Variants in COL24A1 observed in about 807,000 individuals in gnomAD.
COL24A1 encodes collagen type XXIV alpha 1 chain.
Under a neutral mutation model 253.9 loss-of-function variants are expected in COL24A1, and 224 were observed. The observed-to-expected ratio is 0.88, with a 90% CI of 0.79 to 0.99. The LOEUF (loss-of-function observed/expected upper bound fraction) is 0.99. Among genes scored for constraint, COL24A1 ranks in the 50% least tolerant of loss-of-function variants. The pLI is 0.00. For missense variants in COL24A1, 2,131 were observed against 2,068.5 expected (o/e 1.03, Z -0.59); for synonymous variants, 685 against 673.7 (o/e 1.02, Z -0.26).
At chr1:85,829,836 C>T (rs1216536565) in intron 43 of COL24A1, among the ~76,000 whole-genome samples, 1 of 151,888 alleles carries the variant, frequency 6.6e-6, no homozygotes, top group Admixed American at 6.6e-5. Flanking sequence ...AAATTTTTTT[C>T]AAAGTTTTCA....
chr1:86,059,117 G>C lies in COL24A1; in HGVS notation c.1806+4C>G, dbSNP rs762765392. ...AGAGAAAAGTCTAAATATAGTTACT[G>C]CACCTGCCTGCCAGGGTAACCGGGT... On this transcript the variant is annotated splice_donor_region_variant and intron_variant, in intron 9 of 59. Coordinates refer to ENST00000370571, the MANE Select transcript of COL24A1 (RefSeq NM_152890.7). 5 of 1,604,132 alleles carry C rather than the reference G, an allele frequency of 3.1e-6. No homozygotes were observed. The African/African-American group carries it at 4.0e-5, about 13-fold the overall frequency.
intron 7 of COL24A1, among the ~76,000 whole-genome samples, chr1:86,069,105 G>A (rs944887991): frequency 1.2e-4 from 18 of 152,238 alleles, no homozygotes; most frequent in African/African-American, 3.1e-4. Flanking sequence ...AAAAAGAGAC[G>A]GGATTTTGTC....
rs1310390546 is a variant in COL24A1 at position 86,125,493 on chromosome 1, C to A, written c.843G>T (p.Glu281Asp). ...PKLFAEKVLSEDTFTEGKSIP... is the reference protein window; with the variant it reads ...PKLFAEKVLSDDTFTEGKSIP... The stretch of plus-strand genomic sequence containing the variant: ...TGCTTTTGCCTTCAGTAAATGTATC[C>A]TCTGACAGTACTTTTTCAGCAAATA... Residue 281 changes from glutamate (E) to aspartate (D), a missense_variant, in exon 3 of 60, where the codon GAG becomes GAT. Glu to Asp is a conservative substitution (Grantham distance 45, BLOSUM62 2). Transcript: ENST00000370571. The A allele has an allele frequency of 6.2e-7, 1 of 1,613,498 alleles. No homozygotes were observed. The highest frequency in any genetic ancestry group is 8.5e-7 in the Non-Finnish European group (1 of 1,179,754).
chr1:86,077,498 A>C (rs116434207), intron 7 of COL24A1, among the ~76,000 whole-genome samples: 22,636 of 152,204 alleles, frequency 0.15, 1,809 homozygotes, highest in Middle Eastern at 0.21. Flanking sequence ...GTATATATCC[A>C]AAAGATTATA....
intron 20 of COL24A1, among the ~76,000 whole-genome samples, chr1:85,982,208 T>C (rs1161883169): frequency 6.6e-6 from 1 of 152,078 alleles, no homozygotes; most frequent in Non-Finnish European, 1.5e-5. Context: ...AGGCGGTATG[T>C]AAAGTAGCTA....
intron 59 of COL24A1, 66 bp from the exon 60 acceptor site, chr1:85,730,758 C>G: frequency 6.6e-7 from 1 of 1,513,548 alleles, no homozygotes; most frequent in Non-Finnish European, 9.1e-7. Context: ...TAGACAATGC[C>G]TTTCACAGAT....
rs372487923 is a variant in COL24A1, at chr1:85,784,092, G to C, written c.4221+21C>G. Reference sequence around the variant, plus strand: ...TTATTTCTAGATAGCTAGAAGACTAGAAGAAAGTATGTAAACATACTTTAG... The same window carrying C: ...TTATTTCTAGATAGCTAGAAGACTACAAGAAAGTATGTAAACATACTTTAG... On this transcript the variant is annotated intron_variant, in intron 50 of 59. Transcript: ENST00000370571. The C allele has an allele frequency of 1.9e-6, 3 of 1,587,810 alleles. No individual in the cohort carries two copies. In the African/African-American group the frequency reaches 4.1e-5, roughly 21 times the overall value.
chr1:85,941,261 G>C (rs1688731005), intron 24 of COL24A1, among the ~76,000 whole-genome samples: 1 of 152,092 alleles, frequency 6.6e-6, no homozygotes, highest in African/African-American at 2.4e-5. Context: ...TGTGTTTTCT[G>C]AGGATTATAT....
At position 85,773,407 on chromosome 1, in the gene COL24A1, T is replaced by A. The variant is rs543478700; in HGVS notation, c.4374+2267A>T. ...AGTAGTTTTTTCCAATTCTGTGAAG[T>A]AAGTCATTGGTAGCTTGATGGGGAT... On this transcript the variant is annotated intron_variant, in intron 53 of 59. Transcript: ENST00000370571. 1.2e-3 allele frequency among the ~76,000 whole-genome samples: 176 copies of A among 152,238 alleles called. 3 individuals carry two copies. The South Asian group carries it at 0.016, about 14-fold the overall frequency.
chr1:86,012,841 C>A (rs1238329549), intron 19 of COL24A1, among the ~76,000 whole-genome samples: 1 of 152,124 alleles, frequency 6.6e-6, no homozygotes, highest in African/African-American at 2.4e-5. Flanking sequence ...CATTGTATAC[C>A]ACTTTCCTCT....
intron 1 of COL24A1, among the ~76,000 whole-genome samples, chr1:86,152,159 C>A (rs930120581): frequency 6.6e-6 from 1 of 152,166 alleles, no homozygotes; most frequent in Non-Finnish European, 1.5e-5. Flanking sequence ...AGTACTGTCA[C>A]TAACTTACTT....
intron 3 of COL24A1, among the ~76,000 whole-genome samples, chr1:86,116,145 T>C (rs1706114252): frequency 6.7e-6 from 1 of 149,114 alleles, no homozygotes; most frequent in South Asian, 2.2e-4. Flanking sequence ...GAACACATAT[T>C]CATTCATTCA....
rs559617551 is a variant in COL24A1, at chr1:85,730,928, C to G, written c.4999-236G>C. Among the ~76,000 whole-genome samples, 3 of 152,310 alleles carry G rather than the reference C, an allele frequency of 2.0e-5. No individual in the cohort carries two copies. The East Asian group carries it at 5.8e-4, about 29-fold the overall frequency. On this transcript the variant is annotated intron_variant, in intron 59 of 59. Coordinates refer to ENST00000370571, the MANE Select transcript of COL24A1 (RefSeq NM_152890.7). The stretch of plus-strand genomic sequence containing the variant: ...AATTTTTCACTTCCAGAGGCTAAGG[C>G]CAGGCTTCTGCTTCAACTGTCTGTG...
At chr1:86,035,100 A>G (rs1377947754) in intron 12 of COL24A1, among the ~76,000 whole-genome samples, 1 of 152,150 alleles carries the variant, frequency 6.6e-6, no homozygotes, top group Admixed American at 6.6e-5. Context: ...AAAATGTACA[A>G]TGTTTCTAAA....
chr1:85,842,967 G>A (rs1676781358), intron 39 of COL24A1, among the ~76,000 whole-genome samples: 1 of 152,010 alleles, frequency 6.6e-6, no homozygotes, highest in Admixed American at 6.6e-5. Context: ...ATCAGCAAAT[G>A]CCCTTAGCCT....
At chr1:85,738,375 C>CT (rs1664275047) in intron 57 of COL24A1, among the ~76,000 whole-genome samples, 1 of 152,100 alleles carries the variant, frequency 6.6e-6, no homozygotes, top group Non-Finnish European at 1.5e-5. Flanking sequence ...TTTTTGTACT[C>CT]TTTCAGATTT....
At chr1:86,011,578 T>C (rs914636761) in intron 19 of COL24A1, among the ~76,000 whole-genome samples, 1 of 152,214 alleles carries the variant, frequency 6.6e-6, no homozygotes, top group Non-Finnish European at 1.5e-5. Flanking sequence ...AATCCAGCTC[T>C]CCTTCTCTGT....
intron 43 of COL24A1, among the ~76,000 whole-genome samples, chr1:85,833,764 C>A (rs1383801022): frequency 1.3e-5 from 2 of 152,054 alleles, no homozygotes; most frequent in Admixed American, 1.3e-4. Flanking sequence ...GGCACATATA[C>A]AATATGGAAT....
At chr1:86,148,323 T>C (rs1393313286) in intron 1 of COL24A1, among the ~76,000 whole-genome samples, 2 of 152,096 alleles carry the variant, frequency 1.3e-5, no homozygotes, top group African/African-American at 4.8e-5. Flanking sequence ...TAGCTGGAAT[T>C]ACAGGCGCCT....
Sources: gnomAD v4.1 joint callset for allele counts (sites outside exome capture counted in the v4.1 genomes callset) on GRCh38, gnomAD v4.1.1 for gene constraint, MANE v1.5 for transcripts, NCBI Gene and HGNC (gene_info 2026-07-23, HGNC 2026-07-21) for gene names.